PAIP2B: variants seen among roughly 807,000 people sequenced by gnomAD.
PAIP2B encodes the protein polyadenylate-binding protein-interacting protein 2B.
A neutral mutation model predicts 17.0 loss-of-function variants in PAIP2B; 13 were observed. The ratio of observed to expected loss-of-function variants is 0.76; its 90% CI spans 0.50 to 1.22. The LOEUF is 1.22. PAIP2B is among the 50% of genes most tolerant of loss of function. PAIP2B has a pLI of 0.00. For synonymous variants in PAIP2B, 43 were observed against 48.7 expected (o/e 0.88, Z 0.48); for missense variants, 117 against 144.5 (o/e 0.81, Z 0.98).
chr2:71,187,585 C>A lies in PAIP2B; in HGVS notation c.*894G>T, dbSNP rs1342995253. On this transcript the variant is annotated 3_prime_UTR_variant, in exon 4 of 4. Transcript: ENST00000244221. The stretch of plus-strand genomic sequence containing the variant: ...AAACTGTCCAAATAAAATTAAGACA[C>A]AACAGATTCAAGGATGACTTCTGCA... 1 of 152,158 alleles carries A rather than the reference C, an allele frequency of 6.6e-6. No individual in the cohort carries two copies. Among genetic ancestry groups the A allele is most frequent in the Non-Finnish European group, 1.5e-5 (1 of 68,030 alleles). The allele number at this position is 152,158 out of a possible 1,614,324, so 9.4% of individuals were successfully genotyped here. A position where few individuals can be genotyped will look rare whatever the true frequency, so the allele number is the denominator to read the frequency against.
chr2:71,218,362 A>G (rs1675486744), intron 1 of PAIP2B, among the ~76,000 whole-genome samples: 1 of 151,978 alleles, frequency 6.6e-6, no homozygotes, highest in Admixed American at 6.5e-5. Context: ...AAAAAAACAA[A>G]TAATGGAGAA....
At position 71,202,553 on chromosome 2, in the gene PAIP2B, C is replaced by T. The variant is rs769439239; in HGVS notation, c.37G>A (p.Val13Ile). ...GSNMANTSPS[V>I]KSKEDQGLSG... ...AACCCCTGGTCCTCTTTGGATTTTA[C>T]ACTCGGTGATGTATTTGCCATATTG... The change falls in exon 2 of 4, where the codon GTA (valine) becomes ATA (isoleucine). Residue 13 changes from valine (V) to isoleucine (I), a missense_variant. Val to Ile is a conservative substitution (Grantham distance 29, BLOSUM62 3). Transcript: ENST00000244221. 17 of 1,613,760 alleles carry T rather than the reference C, an allele frequency of 1.1e-5. No homozygotes were observed. Among genetic ancestry groups the T allele is most frequent in the Admixed American group, 1.7e-5 (1 of 60,002 alleles).
chr2:71,205,757 G>C (rs1034852520), intron 1 of PAIP2B, among the ~76,000 whole-genome samples: 5 of 152,096 alleles, frequency 3.3e-5, no homozygotes, highest in Admixed American at 1.3e-4. Context: ...CCACACCAAG[G>C]ATGAAAGTCT....
chr2:71,190,117 C>G, intron 2 of PAIP2B, 96 bp from the exon 3 acceptor site: 1 of 1,230,126 alleles, frequency 8.1e-7, no homozygotes, highest in South Asian at 1.6e-5. Flanking sequence ...AGGTATTACT[C>G]TGCAATTAAG....
At chr2:71,196,660 A>T (rs774511815) in intron 2 of PAIP2B, among the ~76,000 whole-genome samples, 14 of 151,916 alleles carry the variant, frequency 9.2e-5, no homozygotes, top group Non-Finnish European at 1.8e-4. Context: ...TTGCACCCAG[A>T]TTCATAAAGA....
intron 1 of PAIP2B, among the ~76,000 whole-genome samples, chr2:71,205,285 T>G (rs1274900338): frequency 6.6e-6 from 1 of 152,244 alleles, no homozygotes; most frequent in Admixed American, 6.5e-5. Context: ...GATTTGTATT[T>G]TGTACTATTC....
In PAIP2B at chr2:71,186,991, A is replaced by G. The variant is rs1442922499; in HGVS notation, c.*1488T>C. The G allele has an allele frequency of 6.6e-6, 1 of 152,180 alleles. No individual in the cohort carries two copies. Among genetic ancestry groups the G allele is most frequent in the Non-Finnish European group, 1.5e-5 (1 of 68,062 alleles). The allele number at this position is 152,180 out of a possible 1,614,324, so 9.4% of individuals were successfully genotyped here. A position where few individuals can be genotyped will look rare whatever the true frequency, so the allele number is the denominator to read the frequency against. ...TCCAACCTCTGTCCCACAGCCACAT[A>G]CTGAATTTATACCAACTTTGTTTCA... On this transcript the variant is annotated 3_prime_UTR_variant, in exon 4 of 4. Transcript: ENST00000244221.
intron 1 of PAIP2B, among the ~76,000 whole-genome samples, chr2:71,222,870 A>G (rs1404910791): frequency 6.6e-6 from 1 of 152,254 alleles, no homozygotes; most frequent in African/African-American, 2.4e-5. Flanking sequence ...GTAGAGGTTG[A>G]CATGTGACAA....
intron 2 of PAIP2B, among the ~76,000 whole-genome samples, chr2:71,194,354 G>A (rs1674761963): frequency 6.6e-6 from 1 of 152,096 alleles, no homozygotes; most frequent in African/African-American, 2.4e-5. Context: ...CCATGAGCAT[G>A]GGATGTTTTT....
chr2:71,215,626 A>G (rs751835803), intron 1 of PAIP2B, among the ~76,000 whole-genome samples: 13 of 152,214 alleles, frequency 8.5e-5, no homozygotes, highest in Non-Finnish European at 1.5e-4. Context: ...GTCAACTGAG[A>G]CTATTAGCCG....
At chr2:71,222,082 A>T (rs186027867) in intron 1 of PAIP2B, among the ~76,000 whole-genome samples, 3 of 152,256 alleles carry the variant, frequency 2.0e-5, no homozygotes, top group Admixed American at 2.0e-4. Flanking sequence ...ATACCTTGCT[A>T]CCGCTCACTC....
At position 71,185,563 on chromosome 2, in the gene PAIP2B, G is replaced by C. The variant is rs1451073332; in HGVS notation, c.*2916C>G. On this transcript the variant is annotated 3_prime_UTR_variant, in exon 4 of 4. Transcript: ENST00000244221. ...AGCCTGGGTGACAGAGTGAGACTAT[G>C]TCTCAAAAAAAAAGAAAAAAAAAAA... 2.2e-5 allele frequency: 3 copies of C among 137,320 alleles called. No homozygotes were observed. Among genetic ancestry groups the C allele is most frequent in the Non-Finnish European group, 3.1e-5 (2 of 65,400 alleles). The allele number at this position is 137,320 out of a possible 1,614,324, so 8.5% of individuals were successfully genotyped here.
chr2:71,189,864 T>C lies in PAIP2B; in HGVS notation c.296A>G (p.His99Arg), dbSNP rs377101474. ...TCTTACCAAAATATCTTCAGAATCATGACCTTCACTGACTGACAGTCCATT... is the reference window on the plus strand; with the variant it reads ...TCTTACCAAAATATCTTCAGAATCACGACCTTCACTGACTGACAGTCCATT... ...QLNGLSVSEGHDSEDILSKSN... is the reference protein window; with the variant it reads ...QLNGLSVSEGRDSEDILSKSN... Residue 99 changes from histidine to arginine, a missense_variant, in exon 3 of 4, where the codon CAT becomes CGT. Transcript: ENST00000244221. The C allele has an allele frequency of 9.0e-6, 14 of 1,555,362 alleles. No homozygotes were observed. In the African/African-American group the frequency reaches 1.9e-4, roughly 21 times the overall value.
chr2:71,199,432 A>G (rs1015370971), intron 2 of PAIP2B, among the ~76,000 whole-genome samples: 47 of 152,076 alleles, frequency 3.1e-4, no homozygotes, highest in African/African-American at 1.1e-3. Context: ...AAATCTAGTT[A>G]GAAATGACCC....
chr2:71,211,575 C>T (rs139860016), intron 1 of PAIP2B, among the ~76,000 whole-genome samples: 1 of 139,880 alleles, frequency 7.1e-6, no homozygotes, highest in East Asian at 2.1e-4. Context: ...TAGTGTTCTA[C>T]AAACTACAGT....
rs76163893 is a variant in PAIP2B, at chr2:71,207,311, C to T, written c.-11-4711G>A. Among the ~76,000 whole-genome samples the T allele has an allele frequency of 3.6e-3, 544 of 152,006 alleles. 2 individuals carry two copies. The highest frequency in any genetic ancestry group is 0.012 in the African/African-American group (510 of 41,432). ...TAGGGAGGAGAGAGAAAATGACGTA[C>T]AATGAATCAAAGGCAGGAGGGAATT... On this transcript the variant is annotated intron_variant, in intron 1 of 3. Coordinates refer to ENST00000244221, the MANE Select transcript of PAIP2B (RefSeq NM_020459.1).
chr2:71,224,168 G>A (rs924559825), intron 1 of PAIP2B, among the ~76,000 whole-genome samples: 2 of 152,202 alleles, frequency 1.3e-5, no homozygotes, highest in Non-Finnish European at 2.9e-5. Flanking sequence ...TCTGGCTCTG[G>A]GGCCATCTGG....
chr2:71,217,423 G>A (rs1257629372), intron 1 of PAIP2B, among the ~76,000 whole-genome samples: 3 of 152,206 alleles, frequency 2.0e-5, no homozygotes, highest in African/African-American at 7.2e-5. Flanking sequence ...GGTTACAGGT[G>A]TGAGCCACCA....
intron 1 of PAIP2B, among the ~76,000 whole-genome samples, chr2:71,215,420 T>C (rs1158439266): frequency 1.3e-5 from 2 of 152,212 alleles, no homozygotes; most frequent in Non-Finnish European, 2.9e-5. Context: ...GAAAACAGTC[T>C]GGGTTGTTTT....
Sources: allele counts gnomAD v4.1 joint callset (sites outside exome capture counted in the v4.1 genomes callset), GRCh38; gene constraint gnomAD v4.1.1; transcripts MANE v1.5; gene names NCBI Gene and HGNC (gene_info 2026-07-23, HGNC 2026-07-21).